GUCA2B: variants seen among roughly 807,000 people sequenced by gnomAD.
GUCA2B encodes guanylate cyclase activator 2B, also known as prepro-uroguanylin.
GUCA2B carries 7 observed loss-of-function variants against 11.1 expected under a neutral mutation model. That is an observed-to-expected ratio of 0.63 (90% CI 0.36 to 1.18). The LOEUF is 1.18. GUCA2B is among the 50% of genes most tolerant of loss of function. GUCA2B has a pLI of 0.02. For missense variants in GUCA2B, 140 were observed against 142.5 expected, an observed-to-expected ratio of 0.98 and a Z score of 0.09; for synonymous variants, 69 against 65.3, an observed-to-expected ratio of 1.06 and a Z score of -0.27.
Position 42,153,444 on chromosome 1 carries a change from G to A in GUCA2B, c.-7G>A. ...TGGACAGCGGCAGGGGGAACCCAGGGAGCGCGATGGGCTGCAGGGCTGCAT... is the reference window on the plus strand; with the variant it reads ...TGGACAGCGGCAGGGGGAACCCAGGAAGCGCGATGGGCTGCAGGGCTGCAT... On this transcript the variant is annotated 5_prime_UTR_variant, in exon 1 of 3. Transcript: ENST00000372581. The A allele has an allele frequency of 6.2e-7, 1 of 1,605,642 alleles. No homozygotes were observed. The highest frequency in any genetic ancestry group is 1.1e-5 in the South Asian group (1 of 90,912).
chr1:42,155,216 G>A (rs1173581439), intron 2 of GUCA2B, among the ~76,000 whole-genome samples: 2 of 152,216 alleles, frequency 1.3e-5, no homozygotes, highest in East Asian at 3.9e-4. Flanking sequence ...GCAGAGCCAG[G>A]CACGAGAATG....
chr1:42,154,895 C>T (rs753864247), intron 2 of GUCA2B, 29 bp downstream of exon 2: 7 of 1,558,916 alleles, frequency 4.5e-6, no homozygotes, highest in African/African-American at 2.7e-5. Context: ...TGCAGAACCT[C>T]GCTCTGTCTC....
intron 1 of GUCA2B, 113 bp from the exon 2 acceptor site, chr1:42,154,567 G>A: frequency 1.2e-6 from 1 of 842,662 alleles, no homozygotes; most frequent in Non-Finnish European, 2.0e-6. Context: ...TTCCCATAGA[G>A]ACGGGGAAGG....
chr1:42,155,552 G>A lies in GUCA2B; in HGVS notation c.295G>A (p.Asp99Asn), dbSNP rs754999837. The A allele has an allele frequency of 9.9e-6, 16 of 1,613,886 alleles. No homozygotes were observed. Among genetic ancestry groups the A allele is most frequent in the Admixed American group, 3.3e-5 (2 of 60,010 alleles). ...FKTLRTIAND[D>N]CELCVNVACT... ...CTGCCCAGGGACCATCGCTAACGAC[G>A]ACTGTGAGCTGTGTGTGAACGTTGC... is the stretch of plus-strand genomic sequence containing the variant. Residue 99 changes from aspartate (D) to asparagine (N), a missense_variant, in exon 3 of 3, where the codon GAC becomes AAC. Coordinates refer to ENST00000372581, the MANE Select transcript of GUCA2B (RefSeq NM_007102.3).
At chr1:42,154,561 C>A in intron 1 of GUCA2B, 119 bp from the exon 2 acceptor site, 1 of 810,008 alleles carries the variant, frequency 1.2e-6, no homozygotes, top group Non-Finnish European at 2.1e-6. Context: ...CTGGACTTCC[C>A]ATAGAGACGG....
intron 1 of GUCA2B, 43 bp from the exon 2 acceptor site, chr1:42,154,637 A>C: frequency 6.5e-7 from 1 of 1,529,992 alleles, no homozygotes; most frequent in Non-Finnish European, 9.1e-7. Context: ...CTGCCCCTGG[A>C]CCAGGTCTTG....
intron 1 of GUCA2B, 138 bp downstream of exon 1, chr1:42,153,678 C>A: frequency 1.6e-6 from 1 of 629,954 alleles, no homozygotes; most frequent in Non-Finnish European, 2.8e-6. Context: ...CATCACAGCC[C>A]AGAGACCAAG....
chr1:42,155,762 T>C lies in GUCA2B; in HGVS notation c.*166T>C. 4 of 666,314 alleles carry C rather than the reference T, an allele frequency of 6.0e-6. No homozygotes were observed. Among genetic ancestry groups the C allele is most frequent in the Non-Finnish European group, 1.1e-5 (4 of 366,830 alleles). 41.3% of individuals were successfully genotyped at this position (666,314 alleles called of 1,614,324 possible). ...GGATCTGGTACAAAGCAATCGGACATAGAGTTGGAGGGGGAGGCCCCTGAG... is the reference window on the plus strand; with the variant it reads ...GGATCTGGTACAAAGCAATCGGACACAGAGTTGGAGGGGGAGGCCCCTGAG... On this transcript the variant is annotated 3_prime_UTR_variant, in exon 3 of 3. Transcript: ENST00000372581.
intron 1 of GUCA2B, 58 bp downstream of exon 1, chr1:42,153,598 C>A: frequency 2.4e-6 from 3 of 1,255,994 alleles, no homozygotes; most frequent in Non-Finnish European, 3.4e-6. Flanking sequence ...GGAGGCTAGG[C>A]TGGAGAGGGT....
At chr1:42,153,767 T>C (rs935072061) in intron 1 of GUCA2B, among the ~76,000 whole-genome samples, 4 of 151,970 alleles carry the variant, frequency 2.6e-5, no homozygotes, top group Non-Finnish European at 5.9e-5. Flanking sequence ...TCAGCGCTGC[T>C]CCCCTCAAAG....
In GUCA2B at chr1:42,153,559, G is replaced by A. The variant is rs367758761; in HGVS notation, c.90+19G>A. 1.4e-4 allele frequency: 219 copies of A among 1,567,940 alleles called. No homozygotes were observed. Among genetic ancestry groups the A allele is most frequent in the Non-Finnish European group, 1.7e-4 (191 of 1,140,892 alleles). ...CATCCAGGTGAGTCCCTTGGCCAGCGTTCCCTTTGCCTGAAGGGCCCCATG... is the reference window on the plus strand; with the variant it reads ...CATCCAGGTGAGTCCCTTGGCCAGCATTCCCTTTGCCTGAAGGGCCCCATG... On this transcript the variant is annotated intron_variant, in intron 1 of 2. Coordinates refer to ENST00000372581, the MANE Select transcript of GUCA2B (RefSeq NM_007102.3).
At position 42,155,669 on chromosome 1, in the gene GUCA2B, C is replaced by G; in HGVS notation, c.*73C>G. Reference sequence around the variant, plus strand: ...CCCACCACCCTGGCAGGCTTCCATCCCCGTCCATGCTCAAGATGGGTCCCT... The same window carrying G: ...CCCACCACCCTGGCAGGCTTCCATCGCCGTCCATGCTCAAGATGGGTCCCT... On this transcript the variant is annotated 3_prime_UTR_variant, in exon 3 of 3. Transcript: ENST00000372581. 1 of 1,152,714 alleles carries G rather than the reference C, an allele frequency of 8.7e-7. No homozygotes were observed. Among genetic ancestry groups the G allele is most frequent in the Admixed American group, 1.7e-5 (1 of 59,418 alleles). The allele number at this position is 1,152,714 out of a possible 1,614,324, so 71.4% of individuals were successfully genotyped here. A position where few individuals can be genotyped will look rare whatever the true frequency, so the allele number is the denominator to read the frequency against.
At chr1:42,153,750 A>G (rs1400647202) in intron 1 of GUCA2B, among the ~76,000 whole-genome samples, 1 of 152,182 alleles carries the variant, frequency 6.6e-6, no homozygotes, top group African/African-American at 2.4e-5. Flanking sequence ...GACAACACCA[A>G]ACTGATTCAG....
intron 2 of GUCA2B, 143 bp downstream of exon 2, chr1:42,155,009 G>A: frequency 3.0e-6 from 2 of 673,818 alleles, no homozygotes; most frequent in Non-Finnish European, 5.1e-6. Context: ...TGGCTCCCAG[G>A]ACTCCCCGGT....
At chr1:42,153,638 A>T in intron 1 of GUCA2B, 98 bp downstream of exon 1, 4 of 870,364 alleles carry the variant, frequency 4.6e-6, no homozygotes, top group Non-Finnish European at 7.2e-6. Context: ...GCACCGGGGG[A>T]GCACGGGGCC....
In GUCA2B at chr1:42,155,523, C is replaced by T; in HGVS notation, c.278-12C>T. ...AGGTTCAGGTCAACTGACCAGTTCT[C>T]TCCCTGCCCAGGGACCATCGCTAAC... On this transcript the variant is annotated splice_polypyrimidine_tract_variant and intron_variant, in intron 2 of 2. Coordinates refer to ENST00000372581, the MANE Select transcript of GUCA2B (RefSeq NM_007102.3). 1 of 1,612,514 alleles carries T rather than the reference C, an allele frequency of 6.2e-7. No individual in the cohort carries two copies. Among genetic ancestry groups the T allele is most frequent in the Non-Finnish European group, 8.5e-7 (1 of 1,178,550 alleles).
intron 1 of GUCA2B, among the ~76,000 whole-genome samples, chr1:42,154,246 C>T (rs924918350): frequency 6.6e-6 from 1 of 152,146 alleles, no homozygotes; most frequent in Non-Finnish European, 1.5e-5. Flanking sequence ...GAGAGGGGTG[C>T]AGGAGACTTG....
At chr1:42,153,637 G>T in intron 1 of GUCA2B, 97 bp downstream of exon 1, 2 of 878,902 alleles carry the variant, frequency 2.3e-6, no homozygotes, top group Middle Eastern at 2.4e-4. Flanking sequence ...GGCACCGGGG[G>T]AGCACGGGGC....
At chr1:42,154,483 A>T (rs885846) in intron 1 of GUCA2B, among the ~76,000 whole-genome samples, 197 bp from the exon 2 acceptor site, 1 of 152,022 alleles carries the variant, frequency 6.6e-6, no homozygotes, top group Admixed American at 6.5e-5. Context: ...GCCTCGAACC[A>T]CTGTGCTCCA....
Sources: allele counts gnomAD v4.1 joint callset (sites outside exome capture counted in the v4.1 genomes callset), GRCh38; gene constraint gnomAD v4.1.1; transcripts MANE v1.5; gene names NCBI Gene and HGNC (gene_info 2026-07-23, HGNC 2026-07-21).